Variants in TUFT1 observed in about 807,000 individuals in gnomAD.
The protein encoded by TUFT1 is tuftelin.
Under a neutral mutation model 57.8 loss-of-function variants are expected in TUFT1, and 43 were observed. The ratio of observed to expected loss-of-function variants is 0.74; its 90% CI spans 0.58 to 0.96. TUFT1 has a LOEUF of 0.96. Ranked by LOEUF, TUFT1 falls within the 40% of genes least tolerant of loss-of-function variation. The pLI, the probability that TUFT1 is intolerant of heterozygous loss-of-function variation, is 0.00. For synonymous variants in TUFT1, 166 were observed against 176.7 expected, an observed-to-expected ratio of 0.94 and a Z score of 0.48; for missense variants, 459 against 489.0, an observed-to-expected ratio of 0.94 and a Z score of 0.58.
chr1:151,553,952 G>A (rs1665591375), intron 1 of TUFT1, among the ~76,000 whole-genome samples: 2 of 152,076 alleles, frequency 1.3e-5, no homozygotes, highest in Non-Finnish European at 2.9e-5. Flanking sequence ...GACTGTTTGG[G>A]TATCCTCACA....
chr1:151,553,756 T>C (rs1224277336), intron 1 of TUFT1, among the ~76,000 whole-genome samples: 1 of 152,246 alleles, frequency 6.6e-6, no homozygotes, highest in Non-Finnish European at 1.5e-5. Context: ...ATTGTGTTGC[T>C]GCGCAATCCC....
chr1:151,574,935 G>A lies in TUFT1; in HGVS notation c.748G>A (p.Val250Met), dbSNP rs900476553. Reference protein sequence around the residue: ...ETEHQALLAKVREGEVALEEL... With the variant: ...ETEHQALLAKMREGEVALEEL... ...GGAGCATCAGGCCTTACTGGCGAAA[G>A]TGAGGGAAGGGGAGGTGGCCCTAGA... The change falls in exon 9 of 13, where the codon GTG becomes ATG. Residue 250 changes from valine to methionine, a missense_variant. Physicochemically the swap from Val to Met is conservative, Grantham distance 21. Coordinates refer to ENST00000368849, the MANE Select transcript of TUFT1 (RefSeq NM_020127.3). 1.9e-6 allele frequency: 3 copies of A among 1,576,524 alleles called. No individual in the cohort carries two copies. Among genetic ancestry groups the A allele is most frequent in the African/African-American group, 1.3e-5 (1 of 74,312 alleles).
chr1:151,578,002 G>T (rs557212656), intron 9 of TUFT1, among the ~76,000 whole-genome samples: 1 of 151,752 alleles, frequency 6.6e-6, no homozygotes, highest in East Asian at 1.9e-4. Flanking sequence ...CTCCAGCCTG[G>T]GCTACAGAGT....
chr1:151,579,850 T>G, intron 11 of TUFT1, 118 bp downstream of exon 11: 1 of 986,234 alleles, frequency 1.0e-6, no homozygotes, highest in Non-Finnish European at 1.5e-6. Context: ...CTGAAGTGAA[T>G]ACCTAGGGTG....
intron 1 of TUFT1, among the ~76,000 whole-genome samples, chr1:151,542,441 A>G (rs1665199228): frequency 6.7e-6 from 1 of 149,738 alleles, no homozygotes; most frequent in Non-Finnish European, 1.5e-5. Flanking sequence ...CATGTTGCCC[A>G]GGCTAGTCTC....
intron 9 of TUFT1, among the ~76,000 whole-genome samples, chr1:151,578,230 G>A (rs1432793323): frequency 6.6e-6 from 1 of 152,172 alleles, no homozygotes; most frequent in Non-Finnish European, 1.5e-5. Flanking sequence ...GAGTTATCCA[G>A]AATGACTTAT....
chr1:151,553,451 G>A (rs1249361553), intron 1 of TUFT1, among the ~76,000 whole-genome samples: 3 of 152,108 alleles, frequency 2.0e-5, no homozygotes, highest in Non-Finnish European at 4.4e-5. Flanking sequence ...ATATTTTTAG[G>A]TTTTATGGCT....
intron 1 of TUFT1, among the ~76,000 whole-genome samples, chr1:151,553,886 C>G (rs1376215515): frequency 6.6e-6 from 1 of 151,962 alleles, no homozygotes; most frequent in East Asian, 1.9e-4. Context: ...TGTGGTTTTA[C>G]TTTCCAGCTC....
intron 1 of TUFT1, among the ~76,000 whole-genome samples, chr1:151,559,682 T>G (rs905236513): frequency 6.6e-6 from 1 of 152,132 alleles, no homozygotes. Flanking sequence ...TTGGGAAGGT[T>G]TAAGGGCCAT....
chr1:151,546,081 T>C lies in TUFT1; in HGVS notation c.60+5655T>C, dbSNP rs574779113. On this transcript the variant is annotated intron_variant, in intron 1 of 12. Coordinates refer to ENST00000368849, the MANE Select transcript of TUFT1 (RefSeq NM_020127.3). ...GCATTTTAAAATTTATCTACATTAATTGGGAACTATTTGCATTTTTTTCAT... is the reference window on the plus strand; with the variant it reads ...GCATTTTAAAATTTATCTACATTAACTGGGAACTATTTGCATTTTTTTCAT... Among the ~76,000 whole-genome samples the C allele has an allele frequency of 3.9e-5, 6 of 152,030 alleles. No individual in the cohort carries two copies. The South Asian group carries it at 6.2e-4, about 16-fold the overall frequency.
At chr1:151,569,310 T>C (rs1383924825) in intron 6 of TUFT1, among the ~76,000 whole-genome samples, 1 of 152,192 alleles carries the variant, frequency 6.6e-6, no homozygotes, top group Non-Finnish European at 1.5e-5. Context: ...CTCAGAGAGC[T>C]GTAGGCAGAT....
chr1:151,550,401 A>G (rs184334019), intron 1 of TUFT1, among the ~76,000 whole-genome samples: 77 of 151,934 alleles, frequency 5.1e-4, no homozygotes, highest in Admixed American at 5.0e-3. Flanking sequence ...CTGGAGTGCA[A>G]TGGCGTGATC....
chr1:151,545,548 C>G (rs911774603), intron 1 of TUFT1, among the ~76,000 whole-genome samples: 1 of 152,184 alleles, frequency 6.6e-6, no homozygotes, highest in Non-Finnish European at 1.5e-5. Context: ...GGTAAGTACT[C>G]AGAGGTTAGC....
chr1:151,557,681 G>A (rs980299708), intron 1 of TUFT1: 188 of 855,820 alleles, frequency 2.2e-4, no homozygotes, highest in Non-Finnish European at 3.4e-4. Flanking sequence ...CAGTATCTCC[G>A]TGATTACCTT....
chr1:151,561,837 TCTACAGAG>T, intron 1 of TUFT1: 1 of 1,463,852 alleles, frequency 6.8e-7, no homozygotes, highest in Non-Finnish European at 9.1e-7. Flanking sequence ...CTGCTGGAGC[TCTACAGAG>T]CCATGTGCCA....
intron 1 of TUFT1, among the ~76,000 whole-genome samples, chr1:151,550,972 A>C (rs1209799487): frequency 6.6e-6 from 1 of 152,184 alleles, no homozygotes; most frequent in Non-Finnish European, 1.5e-5. Context: ...TCAGTGGGCC[A>C]TCTGGGTGGT....
chr1:151,544,207 C>T (rs962430347), intron 1 of TUFT1, among the ~76,000 whole-genome samples: 4 of 152,072 alleles, frequency 2.6e-5, no homozygotes, highest in African/African-American at 9.7e-5. Context: ...TCTTGAACTC[C>T]TGGTTTAAAG....
At chr1:151,580,227 A>C (rs1015594176) in intron 11 of TUFT1, among the ~76,000 whole-genome samples, 1 of 152,242 alleles carries the variant, frequency 6.6e-6, no homozygotes, top group Non-Finnish European at 1.5e-5. Flanking sequence ...GTGAGGGAGA[A>C]AAATGGGAGA....
intron 1 of TUFT1, 175 bp downstream of exon 1, chr1:151,540,601 G>A (rs374929256): frequency 4.7e-5 from 32 of 683,072 alleles, no homozygotes; most frequent in Admixed American, 1.8e-4. Flanking sequence ...AGTGGGAGTC[G>A]CGGGGTGAAG....
Sources: gnomAD v4.1 joint callset for allele counts (sites outside exome capture counted in the v4.1 genomes callset) on GRCh38, gnomAD v4.1.1 for gene constraint, MANE v1.5 for transcripts, NCBI Gene and HGNC (gene_info 2026-07-23, HGNC 2026-07-21) for gene names.